Variants in MFGE8 observed in about 807,000 individuals in gnomAD.
The protein encoded by MFGE8 is lactadherin.
In MFGE8, 34 loss-of-function variants were observed where a neutral mutation model predicts 42.6. The ratio of observed to expected loss-of-function variants is 0.80; its 90% CI spans 0.61 to 1.06. The LOEUF is 1.06. MFGE8 is among the 50% of genes least tolerant of loss of function. MFGE8 has a pLI of 0.00. For synonymous variants in MFGE8, 230 were observed against 214.8 expected, an observed-to-expected ratio of 1.07 and a Z score of -0.62; for missense variants, 510 against 516.9, an observed-to-expected ratio of 0.99 and a Z score of 0.13.
chr15:88,907,205 G>A lies in MFGE8; in HGVS notation c.377C>T (p.Pro126Leu), dbSNP rs1231782669. Residue 126 changes from proline (P) to leucine (L), a missense_variant, in exon 3 of 8, where the codon CCC (proline) becomes CTC (leucine). Coordinates refer to ENST00000268150, the MANE Select transcript of MFGE8 (RefSeq NM_005928.4). ...AWTPSSNDDN[P>L]WIQVNLLRRM... ...CATCCCCAGGCATACCTGGATCCAG[G>A]GGTTATCGTCATTGCTGCTGGGTGT... 5 of 1,613,448 alleles carry A rather than the reference G, an allele frequency of 3.1e-6. No homozygotes were observed. The highest frequency in any genetic ancestry group is 3.4e-6 in the Non-Finnish European group (4 of 1,179,806).
intron 6 of MFGE8, among the ~76,000 whole-genome samples, chr15:88,901,239 A>ACG (rs1277261039): frequency 1.9e-5 from 2 of 102,764 alleles, no homozygotes; most frequent in Non-Finnish European, 4.8e-5. Flanking sequence ...ATTCACACAC[A>ACG]CATTCACACG....
chr15:88,907,348 A>G lies in MFGE8; in HGVS notation c.234T>C (p.Asn78=), dbSNP rs1292402711. The part of the protein sequence containing the change: ...TKCVEPLGLE[N]GNIANSQIAA... ...CGATCTGTGAGTTGGCAATGTTCCCATTCTCCAGGCCCAGTGGCTCGACAC... is the reference window on the plus strand; with the variant it reads ...CGATCTGTGAGTTGGCAATGTTCCCGTTCTCCAGGCCCAGTGGCTCGACAC... Residue 78 remains asparagine, a synonymous_variant, in exon 3 of 8, where the codon AAT becomes AAC. Coordinates refer to ENST00000268150, the MANE Select transcript of MFGE8 (RefSeq NM_005928.4). 1 of 1,614,060 alleles carries G rather than the reference A, an allele frequency of 6.2e-7. No homozygotes were observed. Among genetic ancestry groups the G allele is most frequent in the Non-Finnish European group, 8.5e-7 (1 of 1,180,038 alleles).
chr15:88,909,919 G>A lies in MFGE8; in HGVS notation c.78C>T (p.Ile26=). 2.5e-6 allele frequency: 4 copies of A among 1,614,120 alleles called. No individual in the cohort carries two copies. Among genetic ancestry groups the A allele is most frequent in the Non-Finnish European group, 3.4e-6 (4 of 1,179,976 alleles). The change falls in exon 2 of 8, where the codon ATC becomes ATT. Residue 26 remains isoleucine (I), a synonymous_variant. Coordinates refer to ENST00000268150, the MANE Select transcript of MFGE8 (RefSeq NM_005928.4). ...CGTTGTGGCAGGGGTTTTTGGAACAGATATCTGGGGACAGAGACAGGTAAG... is the reference window on the plus strand; with the variant it reads ...CGTTGTGGCAGGGGTTTTTGGAACAAATATCTGGGGACAGAGACAGGTAAG... ...CAPSLLVALD[I]CSKNPCHNGG... is the part of the protein sequence containing the mutation.
chr15:88,905,299 G>T lies in MFGE8; in HGVS notation c.685+458C>A. 2.7e-6 allele frequency: 1 copy of T among 364,658 alleles called. No homozygotes were observed. Among genetic ancestry groups the T allele is most frequent in the Non-Finnish European group, 5.4e-6 (1 of 186,028 alleles). The allele number at this position is 364,658 out of a possible 1,614,324, so 22.6% of individuals were successfully genotyped here. A position where few individuals can be genotyped will look rare whatever the true frequency, so the allele number is the denominator to read the frequency against. On this transcript the variant is annotated intron_variant, in intron 5 of 7. Transcript: ENST00000268150. The surrounding 1 kb of genome is among the most constrained non-coding windows in gnomAD (Gnocchi z 6.6). ...GTACCCTTAATAAATCATTCATCGG[G>T]GCCCCACGCCCCTCATTCATTCATT...
In MFGE8 at chr15:88,907,211, T is replaced by C; in HGVS notation, c.371A>G (p.Asp124Gly). 1 of 1,613,682 alleles carries C rather than the reference T, an allele frequency of 6.2e-7. No individual in the cohort carries two copies. The highest frequency in any genetic ancestry group is 8.5e-7 in the Non-Finnish European group (1 of 1,179,876). ...VNAWTPSSNDDNPWIQVNLLR... is the reference protein window; with the variant it reads ...VNAWTPSSNDGNPWIQVNLLR... ...CAGGCATACCTGGATCCAGGGGTTA[T>C]CGTCATTGCTGCTGGGTGTCCAGGC... Residue 124 changes from aspartate (D) to glycine (G), a missense_variant, in exon 3 of 8, where the codon GAT (aspartate) becomes GGT (glycine). Transcript: ENST00000268150.
chr15:88,901,885 G>C, intron 5 of MFGE8, 150 bp from the exon 6 acceptor site: 2 of 769,354 alleles, frequency 2.6e-6, no homozygotes, highest in Middle Eastern at 3.4e-4. Flanking sequence ...CCGCCTTGCA[G>C]GGCCAACTGT....
chr15:88,907,291 A>T lies in MFGE8; in HGVS notation c.291T>A (p.Gly97=). The T allele has an allele frequency of 6.2e-7, 1 of 1,614,156 alleles. No homozygotes were observed. The highest frequency in any genetic ancestry group is 8.5e-7 in the Non-Finnish European group (1 of 1,180,026). ...CCAGCTCCGGGACCCAATGCTGCAA[A>T]CCCAAGAAGGTCACACGCACAGACG... ...AASSVRVTFL[G]LQHWVPELAR... is the part of the protein sequence containing the mutation. The change falls in exon 3 of 8, where the codon GGT becomes GGA. Residue 97 remains glycine, a synonymous_variant. Coordinates refer to ENST00000268150, the MANE Select transcript of MFGE8 (RefSeq NM_005928.4).
intron 3 of MFGE8, 123 bp downstream of exon 3, chr15:88,907,072 G>A: frequency 7.9e-7 from 1 of 1,260,676 alleles, no homozygotes; most frequent in Non-Finnish European, 1.1e-6. Context: ...CTTCATCCAT[G>A]GGAACCTGTT....
chr15:88,899,706 C>G lies in MFGE8; in HGVS notation c.976G>C (p.Asp326His), dbSNP rs373267463. Residue 326 changes from aspartate (D) to histidine (H), a missense_variant, in exon 7 of 8, where the codon GAC (aspartate) becomes CAC (histidine). Transcript: ENST00000268150. This position sits in a 1 kb window ranked among gnomAD's most constrained non-coding sequence, Gnocchi z 6.8. The part of the protein sequence containing the change: ...VASYKVAYSN[D>H]SANWTEYQDP... ...TGGTACTCAGTCCAGTTCGCACTGT[C>G]ATTACTGTAGGCAACCTTGTAGGAT... is the stretch of plus-strand genomic sequence containing the variant. 2.2e-5 allele frequency: 35 copies of G among 1,614,078 alleles called. No individual in the cohort carries two copies. Among genetic ancestry groups the G allele is most frequent in the Non-Finnish European group, 2.8e-5 (33 of 1,180,042 alleles).
At chr15:88,909,636 GTCTC>G (rs1207893100) in intron 2 of MFGE8, among the ~76,000 whole-genome samples, 152 bp downstream of exon 2, 4 of 152,198 alleles carry the variant, frequency 2.6e-5, no homozygotes, top group Admixed American at 6.5e-5. Flanking sequence ...CTGAGGCTCT[GTCTC>G]TCTCTCTGAG....
intron 1 of MFGE8, chr15:88,910,285 G>C: frequency 2.9e-6 from 1 of 344,622 alleles, no homozygotes; most frequent in Non-Finnish European, 5.7e-6. Context: ...CTTGGCAGCA[G>C]TTTGATTGCA....
chr15:88,912,497 T>C (rs1899012189), intron 1 of MFGE8: 1 of 985,310 alleles, frequency 1.0e-6, no homozygotes, highest in South Asian at 4.7e-5. Flanking sequence ...TGGCCCTGAC[T>C]CCCTCCCAGC....
chr15:88,907,807 G>A (rs1247017927), intron 2 of MFGE8, among the ~76,000 whole-genome samples: 5 of 152,046 alleles, frequency 3.3e-5, no homozygotes, highest in Non-Finnish European at 7.4e-5. Flanking sequence ...ATACCGGTGT[G>A]ACCCCCTCTT....
chr15:88,900,984 C>A (rs375069214), intron 6 of MFGE8, among the ~76,000 whole-genome samples: 1 of 67,192 alleles, frequency 1.5e-5, no homozygotes, highest in Non-Finnish European at 4.1e-5. Context: ...TTCACACACA[C>A]ACATTCACAC....
rs201584602 is a variant in MFGE8, at chr15:88,899,845, G to C, written c.871-34C>G. 524 of 1,613,342 alleles carry C rather than the reference G, an allele frequency of 3.2e-4. 4 individuals are homozygous for C. In the South Asian group the frequency reaches 5.5e-3, roughly 17 times the overall value. ...GAAACCAACCACATTTTCTCTGCTTGGACCATCTCCAGTAAGGTGAAAAGA... is the reference window on the plus strand; with the variant it reads ...GAAACCAACCACATTTTCTCTGCTTCGACCATCTCCAGTAAGGTGAAAAGA... On this transcript the variant is annotated intron_variant, in intron 6 of 7. Coordinates refer to ENST00000268150, the MANE Select transcript of MFGE8 (RefSeq NM_005928.4). The surrounding 1 kb of genome is among the most constrained non-coding windows in gnomAD (Gnocchi z 6.8).
rs1459466620 is a variant in MFGE8 at position 88,899,449 on chromosome 15, C to T, written c.1110G>A (p.Leu370=). The T allele has an allele frequency of 1.9e-6, 3 of 1,614,210 alleles. No individual in the cohort carries two copies. The highest frequency in any genetic ancestry group is 1.1e-5 in the South Asian group (1 of 91,090). ...CGATGCGGTTGTGCCAGGCTACAGG[C>T]AGGATGCGCACATAGCGAGCCAGGA... The part of the protein sequence containing the change: ...TPILARYVRI[L]PVAWHNRIAL... The change falls in exon 8 of 8, where the codon CTG becomes CTA. Residue 370 remains leucine (L), a synonymous_variant. Coordinates refer to ENST00000268150, the MANE Select transcript of MFGE8 (RefSeq NM_005928.4). The surrounding 1 kb of genome is among the most constrained non-coding windows in gnomAD (Gnocchi z 6.8).
At chr15:88,912,801 A>G (rs1899029505) in intron 1 of MFGE8, 1 of 985,280 alleles carries the variant, frequency 1.0e-6, no homozygotes. Flanking sequence ...AAATCCAATG[A>G]ACTGTCCAGC....
Position 88,906,724 on chromosome 15 carries a change from G to A in MFGE8, c.442C>T (p.Arg148Cys), listed in dbSNP as rs778974926. Residue 148 changes from arginine to cysteine, a missense_variant, in exon 4 of 8, where the codon CGC becomes TGC. Coordinates refer to ENST00000268150, the MANE Select transcript of MFGE8 (RefSeq NM_005928.4). This position sits in a 1 kb window ranked among gnomAD's most constrained non-coding sequence, Gnocchi z 4.2. ...VTGVVTQGAS[R>C]LASHEYLKAF... ...TTCAGGTACTCATGACTGGCCAAGC[G>A]GCTGGCACCCTGCGTCACCACACCT... 123 of 1,613,618 alleles carry A rather than the reference G, an allele frequency of 7.6e-5. No homozygotes were observed. The highest frequency in any genetic ancestry group is 2.0e-4 in the Admixed American group (12 of 59,990).
chr15:88,912,435 C>CA, intron 1 of MFGE8: 2 of 985,400 alleles, frequency 2.0e-6, no homozygotes, highest in East Asian at 2.3e-4. Flanking sequence ...TACCTTGCTT[C>CA]AGTCAATCCC....
Sources: gnomAD v4.1 joint callset for allele counts (sites outside exome capture counted in the v4.1 genomes callset) on GRCh38, gnomAD v4.1.1 for gene constraint, Gnocchi (gnomAD v3.1) non-coding constraint, MANE v1.5 for transcripts, NCBI Gene and HGNC (gene_info 2026-07-23, HGNC 2026-07-21) for gene names.